The following MLEC variants were observed in gnomAD, a reference collection of about 807,000 sequenced individuals.
The protein encoded by MLEC is malectin.
Under a neutral mutation model 28.7 loss-of-function variants are expected in MLEC, and 7 were observed. The ratio of observed to expected loss-of-function variants is 0.24; its 90% CI spans 0.14 to 0.46. MLEC has a LOEUF of 0.46. Among genes scored for constraint, MLEC ranks in the 20% least tolerant of loss-of-function variants. The probability of loss-of-function intolerance (pLI) is 0.99; values close to 1 mark genes in which losing one functional copy is unlikely to be tolerated. For missense variants in MLEC, 237 were observed against 391.1 expected, an observed-to-expected ratio of 0.61 and a Z score of 3.32; for synonymous variants, 142 against 164.4, an observed-to-expected ratio of 0.86 and a Z score of 1.04.
In MLEC at chr12:120,701,467, T is replaced by G. The variant is rs529175133; in HGVS notation, c.*4922T>G. The G allele has an allele frequency of 2.0e-5, 3 of 152,766 alleles. No homozygotes were observed. Among genetic ancestry groups the G allele is most frequent in the African/African-American group, 7.2e-5 (3 of 41,572 alleles). The allele number at this position is 152,766 out of a possible 1,614,324, so 9.5% of individuals were successfully genotyped here. Reference sequence around the variant, plus strand: ...CCAGGGCAGCCTCTTCAACCATTATTGGTCTAACCTGGCTTGTCAGGAAAC... The same window carrying G: ...CCAGGGCAGCCTCTTCAACCATTATGGGTCTAACCTGGCTTGTCAGGAAAC... On this transcript the variant is annotated 3_prime_UTR_variant, in exon 5 of 5. Transcript: ENST00000228506. This position sits in a 1 kb window ranked among gnomAD's most constrained non-coding sequence, Gnocchi z 4.0.
At chr12:120,691,058 G>T (rs184842657) in intron 1 of MLEC, among the ~76,000 whole-genome samples, 2 of 152,318 alleles carry the variant, frequency 1.3e-5, no homozygotes, top group Admixed American at 6.5e-5. Flanking sequence ...TGGGAGTGAC[G>T]CTAGAGCACC....
chr12:120,689,067 G>C (rs1041980849), intron 1 of MLEC, among the ~76,000 whole-genome samples: 3 of 152,232 alleles, frequency 2.0e-5, no homozygotes, highest in Non-Finnish European at 4.4e-5. Flanking sequence ...TCACTTAGCA[G>C]ATACCAGGCC....
rs776287555 is a variant in MLEC, at chr12:120,694,634, C to T, written c.415-190C>T. On this transcript the variant is annotated intron_variant, in intron 2 of 4. Coordinates refer to ENST00000228506, the MANE Select transcript of MLEC (RefSeq NM_014730.4). This position sits in a 1 kb window ranked among gnomAD's most constrained non-coding sequence, Gnocchi z 4.5. ...TTGTTCCTTAAAGCCAATATAAGAA[C>T]TCCTGGGCAGTGAAGGAACACGGCT... is the stretch of plus-strand genomic sequence containing the variant. 6.6e-6 allele frequency among the ~76,000 whole-genome samples: 1 copy of T among 152,130 alleles called. No individual in the cohort carries two copies. The highest frequency in any genetic ancestry group is 1.5e-5 in the Non-Finnish European group (1 of 68,032).
chr12:120,700,197 G>A lies in MLEC; in HGVS notation c.*3652G>A, dbSNP rs1417400303. 6.5e-6 allele frequency: 1 copy of A among 152,714 alleles called. No homozygotes were observed. The highest frequency in any genetic ancestry group is 1.5e-5 in the Non-Finnish European group (1 of 68,104). 9.5% of individuals were successfully genotyped at this position (152,714 alleles called of 1,614,324 possible). On this transcript the variant is annotated 3_prime_UTR_variant, in exon 5 of 5. Transcript: ENST00000228506. This position sits in a 1 kb window ranked among gnomAD's most constrained non-coding sequence, Gnocchi z 4.0. ...TCAGCACAGTGCCTTTTCCTCTCCT[G>A]CTCTGAGCCAGGGTGGGGCATTCCC...
In MLEC at chr12:120,694,016, C is replaced by G. The variant is rs1592917493; in HGVS notation, c.236-75C>G. ...TATTAGCATTGCCCTGGAAATGCCT[C>G]TGGCTGTTCTGGGGTCTTTGCTTTT... is the stretch of plus-strand genomic sequence containing the variant. On this transcript the variant is annotated intron_variant, in intron 1 of 4. Coordinates refer to ENST00000228506, the MANE Select transcript of MLEC (RefSeq NM_014730.4). This position sits in a 1 kb window ranked among gnomAD's most constrained non-coding sequence, Gnocchi z 4.5. The G allele has an allele frequency of 2.8e-6, 4 of 1,407,908 alleles. No homozygotes were observed. The highest frequency in any genetic ancestry group is 3.9e-6 in the Non-Finnish European group (4 of 1,035,196). 87.2% of individuals were successfully genotyped at this position (1,407,908 alleles called of 1,614,324 possible). A position where few individuals can be genotyped will look rare whatever the true frequency, so the allele number is the denominator to read the frequency against.
chr12:120,689,536 T>C (rs1881957865), intron 1 of MLEC, among the ~76,000 whole-genome samples: 1 of 152,170 alleles, frequency 6.6e-6, no homozygotes, highest in South Asian at 2.1e-4. Context: ...TGTTGCAACA[T>C]TGCGCTTACC....
chr12:120,693,896 T>C, intron 1 of MLEC, 195 bp from the exon 2 acceptor site: 1 of 513,124 alleles, frequency 1.9e-6, no homozygotes, highest in Non-Finnish European at 3.5e-6. Context: ...TCTTTCATTT[T>C]ACTCTTCCAT....
intron 1 of MLEC, among the ~76,000 whole-genome samples, chr12:120,690,372 T>C (rs1881994329): frequency 2.0e-5 from 3 of 152,162 alleles, no homozygotes; most frequent in Admixed American, 2.0e-4. Flanking sequence ...GGAAAAGACC[T>C]GGTTATTTGA....
chr12:120,696,929 T>G lies in MLEC; in HGVS notation c.*384T>G. The G allele has an allele frequency of 4.7e-6, 1 of 212,982 alleles. No homozygotes were observed. The highest frequency in any genetic ancestry group is 9.5e-6 in the Non-Finnish European group (1 of 105,330). The allele number at this position is 212,982 out of a possible 1,614,324, so 13.2% of individuals were successfully genotyped here. A position where few individuals can be genotyped will look rare whatever the true frequency, so the allele number is the denominator to read the frequency against. On this transcript the variant is annotated 3_prime_UTR_variant, in exon 5 of 5. Coordinates refer to ENST00000228506, the MANE Select transcript of MLEC (RefSeq NM_014730.4). The surrounding 1 kb of genome is among the most constrained non-coding windows in gnomAD (Gnocchi z 5.4). ...TAACAGCAGGGAAATGCCATCTTAT[T>G]ACCTGAGACGACCAGCACTGGGAGT...
chr12:120,688,288 G>C (rs531724410), intron 1 of MLEC, among the ~76,000 whole-genome samples: 10 of 152,314 alleles, frequency 6.6e-5, no homozygotes, highest in Admixed American at 1.3e-4. Flanking sequence ...GTTTTTAACG[G>C]AGCTGCTCCC....
intron 1 of MLEC, 146 bp from the exon 2 acceptor site, chr12:120,693,945 G>T: frequency 1.6e-6 from 1 of 643,244 alleles, no homozygotes. Context: ...TTGGAGCTCT[G>T]TTTGGAGCCA....
intron 1 of MLEC, among the ~76,000 whole-genome samples, chr12:120,693,325 A>T (rs930030998): frequency 9.9e-5 from 15 of 152,212 alleles, no homozygotes; most frequent in African/African-American, 3.4e-4. Context: ...AGCAAACTGT[A>T]TGAGTGGCGA....
chr12:120,687,232 G>A lies in MLEC; in HGVS notation c.-65G>A, dbSNP rs1327972078. ...CCCGTGGCGCTGTTTTTCTGAGTCC[G>A]GGGTGGCCTGGCAGCCGGCCGAGGA... On this transcript the variant is annotated 5_prime_UTR_variant, in exon 1 of 5. Transcript: ENST00000228506. This position sits in a 1 kb window ranked among gnomAD's most constrained non-coding sequence, Gnocchi z 8.1. The A allele has an allele frequency of 1.5e-6, 2 of 1,335,462 alleles. No homozygotes were observed. The highest frequency in any genetic ancestry group is 1.9e-6 in the Non-Finnish European group (2 of 1,048,636). The allele number at this position is 1,335,462 out of a possible 1,614,324, so 82.7% of individuals were successfully genotyped here.
At chr12:120,688,553 A>G (rs1175262496) in intron 1 of MLEC, among the ~76,000 whole-genome samples, 1 of 152,232 alleles carries the variant, frequency 6.6e-6, no homozygotes, top group East Asian at 1.9e-4. Flanking sequence ...TTGATACTGT[A>G]TGCTGGGTTC....
In MLEC at chr12:120,696,629, T is replaced by C. The variant is rs1052454552; in HGVS notation, c.*84T>C. The stretch of plus-strand genomic sequence containing the variant: ...GTTTTGGTTTCTGTATTTTTCACAA[T>C]GATTAATGAACAAAAACAAAGAGAA... On this transcript the variant is annotated 3_prime_UTR_variant, in exon 5 of 5. Coordinates refer to ENST00000228506, the MANE Select transcript of MLEC (RefSeq NM_014730.4). This position sits in a 1 kb window ranked among gnomAD's most constrained non-coding sequence, Gnocchi z 5.4. 20 of 1,544,370 alleles carry C rather than the reference T, an allele frequency of 1.3e-5. No homozygotes were observed. In the African/African-American group the frequency reaches 1.4e-4, roughly 11 times the overall value.
In MLEC at chr12:120,696,406, A is replaced by G; in HGVS notation, c.740A>G (p.Lys247Arg). The change falls in exon 5 of 5, where the codon AAA becomes AGA. Residue 247 changes from lysine (K) to arginine (R), a missense_variant. Lys to Arg is a conservative substitution (Grantham distance 26, BLOSUM62 2). Coordinates refer to ENST00000228506, the MANE Select transcript of MLEC (RefSeq NM_014730.4). The surrounding 1 kb of genome is among the most constrained non-coding windows in gnomAD (Gnocchi z 5.4). ...TATGATGAAGGGTCTAATCTCAAAA[A>G]ACAGACCAATAAGAACCGGGTGCAG... ...EEYDEGSNLK[K>R]QTNKNRVQSG... 6.2e-7 allele frequency: 1 copy of G among 1,614,162 alleles called. No homozygotes were observed. Among genetic ancestry groups the G allele is most frequent in the Non-Finnish European group, 8.5e-7 (1 of 1,180,028 alleles).
chr12:120,687,788 T>TC lies in MLEC; in HGVS notation c.235+258dup, dbSNP rs1209339990. On this transcript the variant is annotated intron_variant, in intron 1 of 4. Transcript: ENST00000228506. The surrounding 1 kb of genome is among the most constrained non-coding windows in gnomAD (Gnocchi z 8.1). ...TCTCATCCTGCATTTTCTCAACCCC[T>TC]CACTCCCATCCAAGCTGGGAGAGAA... 6.6e-6 allele frequency among the ~76,000 whole-genome samples: 1 copy of TC among 152,188 alleles called. No homozygotes were observed. The highest frequency in any genetic ancestry group is 1.5e-5 in the Non-Finnish European group (1 of 68,022).
At position 120,696,284 on chromosome 12, in the gene MLEC, G is replaced by A; in HGVS notation, c.650-32G>A. 1.2e-6 allele frequency: 2 copies of A among 1,610,338 alleles called. No homozygotes were observed. Among genetic ancestry groups the A allele is most frequent in the Non-Finnish European group, 1.7e-6 (2 of 1,178,274 alleles). ...AGGGTCTCTCTTACTTAAATGCTGT[G>A]GGTCTTAACAGTGTTTTCTTCCTTG... On this transcript the variant is annotated intron_variant, in intron 4 of 4. Coordinates refer to ENST00000228506, the MANE Select transcript of MLEC (RefSeq NM_014730.4). The surrounding 1 kb of genome is among the most constrained non-coding windows in gnomAD (Gnocchi z 5.4).
rs1882288688 is a variant in MLEC, at chr12:120,697,583, A to G, written c.*1038A>G. 1 of 152,704 alleles carries G rather than the reference A, an allele frequency of 6.5e-6. No individual in the cohort carries two copies. Among genetic ancestry groups the G allele is most frequent in the Non-Finnish European group, 1.5e-5 (1 of 68,080 alleles). The allele number at this position is 152,704 out of a possible 1,614,324, so 9.5% of individuals were successfully genotyped here. Reference sequence around the variant, plus strand: ...GATGCTTTCCAGCCTGCAGCAACAGAACACTTGACCTTAAAAGTCTCTTCT... The same window carrying G: ...GATGCTTTCCAGCCTGCAGCAACAGGACACTTGACCTTAAAAGTCTCTTCT... On this transcript the variant is annotated 3_prime_UTR_variant, in exon 5 of 5. Transcript: ENST00000228506. This position sits in a 1 kb window ranked among gnomAD's most constrained non-coding sequence, Gnocchi z 4.8.
Sources: allele counts gnomAD v4.1 joint callset (sites outside exome capture counted in the v4.1 genomes callset), GRCh38; gene constraint gnomAD v4.1.1; non-coding constraint Gnocchi (gnomAD v3.1); transcripts MANE v1.5; gene names NCBI Gene and HGNC (gene_info 2026-07-23, HGNC 2026-07-21).